The following CACNA1C variants were observed in gnomAD, a reference collection of about 807,000 sequenced individuals.
The protein encoded by CACNA1C is voltage-dependent L-type calcium channel subunit alpha-1C.
CACNA1C carries 30 observed loss-of-function variants against 229.0 expected under a neutral mutation model. That is an observed-to-expected ratio of 0.13 (90% CI 0.10 to 0.18). The LOEUF (loss-of-function observed/expected upper bound fraction) is 0.18. Ranked by LOEUF, CACNA1C falls within the 10% of genes least tolerant of loss-of-function variation. The pLI is 1.00. For missense variants in CACNA1C, 1,658 were observed against 2,845.0 expected (o/e 0.58, Z 9.49); for synonymous variants, 1,114 against 1,132.5 (o/e 0.98, Z 0.33).
At chr12:2,643,164 CCAAA>C (rs1288655071) in intron 30 of CACNA1C, among the ~76,000 whole-genome samples, 1 of 152,222 alleles carries the variant, frequency 6.6e-6, no homozygotes, top group Non-Finnish European at 1.5e-5. Context: ...GTCTGTAACT[CCAAA>C]CACACAAGAA....
intron 3 of CACNA1C, among the ~76,000 whole-genome samples, chr12:2,426,589 C>T (rs1284550467): frequency 2.0e-5 from 3 of 152,188 alleles, no homozygotes; most frequent in Non-Finnish European, 4.4e-5. Flanking sequence ...TAACAAACTA[C>T]CCGGATACTT....
intron 3 of CACNA1C, among the ~76,000 whole-genome samples, chr12:2,415,088 C>T (rs1013939199): frequency 6.6e-6 from 1 of 152,194 alleles, no homozygotes; most frequent in Admixed American, 6.5e-5. Context: ...CTGTGGCATG[C>T]GAGTGTGGGA....
intron 3 of CACNA1C, among the ~76,000 whole-genome samples, chr12:2,333,221 A>G (rs1296390836): frequency 6.6e-6 from 1 of 152,200 alleles, no homozygotes; most frequent in Admixed American, 6.5e-5. Context: ...GATAAGGAAC[A>G]CTAAGTATTG....
At chr12:2,606,561 T>A (rs758514772) in intron 24 of CACNA1C, 50 bp from the exon 25 acceptor site, 3 of 1,473,790 alleles carry the variant, frequency 2.0e-6, no homozygotes, top group Non-Finnish European at 2.8e-6. Flanking sequence ...GCTTTTGGAT[T>A]GACTCATTGA....
At chr12:2,139,594 G>A (rs559539710) in intron 3 of CACNA1C, among the ~76,000 whole-genome samples, 12 of 151,150 alleles carry the variant, frequency 7.9e-5, no homozygotes, top group East Asian at 1.9e-4. Context: ...TGACTGGGCC[G>A]CTGCCCTTGC....
At chr12:2,513,644 A>T (rs1010638159) in intron 9 of CACNA1C, among the ~76,000 whole-genome samples, 2 of 152,222 alleles carry the variant, frequency 1.3e-5, no homozygotes, top group African/African-American at 4.8e-5. Context: ...GTGATGGATG[A>T]CATTGACTCA....
chr12:2,087,130 C>T (rs1463828800), intron 1 of CACNA1C, among the ~76,000 whole-genome samples: 1 of 152,174 alleles, frequency 6.6e-6, no homozygotes, highest in African/African-American at 2.4e-5. Flanking sequence ...ATTGGTACCT[C>T]ATTTCTCTTT....
chr12:2,115,176 CCT>C (rs972304151), intron 1 of CACNA1C, 46 bp from the exon 2 acceptor site: 39 of 1,373,368 alleles, frequency 2.8e-5, no homozygotes, highest in Non-Finnish European at 3.5e-5. Flanking sequence ...CGGAAGTGCC[CCT>C]GTTTTCTATC....
chr12:2,298,035 C>T (rs898984463), intron 3 of CACNA1C, among the ~76,000 whole-genome samples: 6 of 152,142 alleles, frequency 3.9e-5, no homozygotes, highest in South Asian at 2.1e-4. Context: ...CTAAAGGAGA[C>T]GACATCACAG....
chr12:2,063,200 G>A (rs1218690646), intron 1 of CACNA1C, among the ~76,000 whole-genome samples: 1 of 143,764 alleles, frequency 7.0e-6, no homozygotes, highest in South Asian at 2.2e-4. Context: ...TCACCAGGCT[G>A]GAGTGCAGTG....
At chr12:2,636,214 C>T (rs1470180155) in intron 30 of CACNA1C, among the ~76,000 whole-genome samples, 1 of 152,180 alleles carries the variant, frequency 6.6e-6, no homozygotes, top group Non-Finnish European at 1.5e-5. Flanking sequence ...GGGCCGAGAG[C>T]CCCACAGCAG....
intron 11 of CACNA1C, among the ~76,000 whole-genome samples, chr12:2,558,265 C>T (rs1257575542): frequency 6.6e-6 from 1 of 152,228 alleles, no homozygotes; most frequent in African/African-American, 2.4e-5. Context: ...GCTTGCTCAT[C>T]TCTGCTGCAT....
intron 1 of CACNA1C, among the ~76,000 whole-genome samples, chr12:2,092,283 A>G (rs1487781658): frequency 6.6e-6 from 1 of 152,174 alleles, no homozygotes; most frequent in Non-Finnish European, 1.5e-5. Flanking sequence ...CTGTAAGCCT[A>G]ATTGGGTCAT....
intron 1 of CACNA1C, among the ~76,000 whole-genome samples, chr12:2,056,492 T>C (rs901427174): frequency 3.3e-5 from 5 of 152,166 alleles, no homozygotes; most frequent in Admixed American, 6.5e-5. Context: ...ATGTCCCTTA[T>C]CTGCTAGAGA....
At chr12:2,487,928 G>T (rs2099703544) in intron 6 of CACNA1C, among the ~76,000 whole-genome samples, 1 of 152,070 alleles carries the variant, frequency 6.6e-6, no homozygotes, top group African/African-American at 2.4e-5. Flanking sequence ...ACTGACTGTG[G>T]TATGTCTGAA....
chr12:2,063,167 T>C (rs79618254), intron 1 of CACNA1C, among the ~76,000 whole-genome samples: 57 of 143,994 alleles, frequency 4.0e-4, no homozygotes, highest in Non-Finnish European at 7.1e-4. Context: ...TTTTTTTTTT[T>C]CCTGAGGTGT....
intron 3 of CACNA1C, among the ~76,000 whole-genome samples, chr12:2,237,939 G>T (rs1030596349): frequency 1.3e-5 from 2 of 152,186 alleles, no homozygotes; most frequent in Non-Finnish European, 2.9e-5. Context: ...AACATTTCCA[G>T]TGGTATCAAG....
chr12:2,183,241 T>C (rs1404210610), intron 3 of CACNA1C, among the ~76,000 whole-genome samples: 1 of 127,078 alleles, frequency 7.9e-6, no homozygotes, highest in Non-Finnish European at 1.7e-5. Flanking sequence ...ACATAATTCC[T>C]GGCTCAAAAA....
At chr12:2,408,609 T>C (rs527586954) in intron 3 of CACNA1C, among the ~76,000 whole-genome samples, 1 of 152,038 alleles carries the variant, frequency 6.6e-6, no homozygotes, top group African/African-American at 2.4e-5. Context: ...ACTGCTTCTC[T>C]CCTCTTTTAG....
Sources: gnomAD v4.1 joint callset for allele counts (sites outside exome capture counted in the v4.1 genomes callset) on GRCh38, gnomAD v4.1.1 for gene constraint, MANE v1.5 for transcripts, NCBI Gene and HGNC (gene_info 2026-07-23, HGNC 2026-07-21) for gene names.